VWC2: variants seen among roughly 807,000 people sequenced by gnomAD.
VWC2 encodes brorin.
A neutral mutation model predicts 29.8 loss-of-function variants in VWC2; 14 were observed. That is an observed-to-expected ratio of 0.47 (90% CI 0.31 to 0.74). The LOEUF is 0.74. Ranked by LOEUF, VWC2 falls within the 30% of genes least tolerant of loss-of-function variation. The pLI is 0.05. For synonymous variants in VWC2, 213 were observed against 199.0 expected, an observed-to-expected ratio of 1.07 and a Z score of -0.59; for missense variants, 457 against 459.8, an observed-to-expected ratio of 0.99 and a Z score of 0.05.
At chr7:49,852,840 G>A (rs1790236991) in intron 3 of VWC2, among the ~76,000 whole-genome samples, 1 of 152,238 alleles carries the variant, frequency 6.6e-6, no homozygotes, top group Non-Finnish European at 1.5e-5. Context: ...TCTCCATCTA[G>A]TGACTGGCTC....
At chr7:49,815,931 G>T (rs1789132047) in intron 3 of VWC2, among the ~76,000 whole-genome samples, 1 of 152,142 alleles carries the variant, frequency 6.6e-6, no homozygotes, top group South Asian at 2.1e-4. Context: ...CATAGATTAT[G>T]GGAAGAAAAC....
At chr7:49,789,200 TGTGG>T (rs1788398920) in intron 2 of VWC2, among the ~76,000 whole-genome samples, 1 of 145,984 alleles carries the variant, frequency 6.9e-6, no homozygotes, top group Admixed American at 6.8e-5. Flanking sequence ...CATGTGTGAG[TGTGG>T]GTGTGTGTGT....
chr7:49,803,574 C>T (rs750978612), intron 3 of VWC2, among the ~76,000 whole-genome samples: 5 of 152,210 alleles, frequency 3.3e-5, no homozygotes, highest in Non-Finnish European at 7.3e-5. Context: ...ATCTGAGTGG[C>T]CTCGCTGACA....
rs1793913855 is a variant in VWC2, at chr7:49,919,582, T to C, written c.*7397T>C. ...AATAAAAAATCCTCACAAACCCCAA[T>C]TTAATTTAATATAGATTAATTATAA... is the stretch of plus-strand genomic sequence containing the variant. On this transcript the variant is annotated 3_prime_UTR_variant, in exon 4 of 4. Coordinates refer to ENST00000340652, the MANE Select transcript of VWC2 (RefSeq NM_198570.5). The C allele has an allele frequency of 6.6e-6, 1 of 152,180 alleles. No homozygotes were observed. Among genetic ancestry groups the C allele is most frequent in the Non-Finnish European group, 1.5e-5 (1 of 68,028 alleles). The allele number at this position is 152,180 out of a possible 1,614,324, so 9.4% of individuals were successfully genotyped here.
intron 3 of VWC2, among the ~76,000 whole-genome samples, chr7:49,870,942 T>C (rs929878137): frequency 1.3e-5 from 2 of 152,164 alleles, no homozygotes; most frequent in African/African-American, 4.8e-5. Flanking sequence ...GGAAATATGA[T>C]AAACTCTCTT....
chr7:49,797,858 T>C (rs1001892892), intron 2 of VWC2, among the ~76,000 whole-genome samples: 4 of 152,218 alleles, frequency 2.6e-5, no homozygotes, highest in Non-Finnish European at 2.9e-5. Context: ...TTCTCCAGGC[T>C]ACACATCTAA....
intron 3 of VWC2, among the ~76,000 whole-genome samples, chr7:49,817,052 T>G (rs1304208411): frequency 1.9e-4 from 29 of 152,200 alleles, no homozygotes; most frequent in Admixed American, 1.9e-3. Context: ...AATCAACCTC[T>G]AAGACTTGTT....
chr7:49,906,234 C>T (rs1263411285), intron 3 of VWC2, among the ~76,000 whole-genome samples: 1 of 151,936 alleles, frequency 6.6e-6, no homozygotes, highest in Admixed American at 6.6e-5. Context: ...TGGATCAGGA[C>T]CCCTTTCTAG....
intron 3 of VWC2, among the ~76,000 whole-genome samples, chr7:49,861,580 G>A (rs1310661546): frequency 6.6e-6 from 1 of 152,132 alleles, no homozygotes; most frequent in Non-Finnish European, 1.5e-5. Flanking sequence ...TTCTGGGTAA[G>A]AAAGATTTAA....
intron 3 of VWC2, among the ~76,000 whole-genome samples, chr7:49,827,682 T>C (rs1789435829): frequency 6.6e-6 from 1 of 152,180 alleles, no homozygotes; most frequent in South Asian, 2.1e-4. Flanking sequence ...AGGTCCACCA[T>C]GTACAAGAGC....
At chr7:49,782,112 T>C (rs942941645) in intron 2 of VWC2, among the ~76,000 whole-genome samples, 1 of 152,208 alleles carries the variant, frequency 6.6e-6, no homozygotes, top group Non-Finnish European at 1.5e-5. Context: ...TCATATAAAT[T>C]CCCAGATTGC....
chr7:49,872,992 TA>T (rs893907749), intron 3 of VWC2, among the ~76,000 whole-genome samples: 2 of 130,618 alleles, frequency 1.5e-5, no homozygotes, highest in African/African-American at 5.6e-5. Flanking sequence ...AAATAATTAA[TA>T]AAAAAATCTG....
chr7:49,869,339 A>G (rs1040909210), intron 3 of VWC2, among the ~76,000 whole-genome samples: 5 of 152,218 alleles, frequency 3.3e-5, no homozygotes, highest in Admixed American at 2.6e-4. Context: ...AGGAAGTAAT[A>G]CTGAACAAGG....
chr7:49,776,606 G>A (rs951653466), intron 2 of VWC2, among the ~76,000 whole-genome samples: 9 of 152,188 alleles, frequency 5.9e-5, no homozygotes, highest in Non-Finnish European at 1.0e-4. Flanking sequence ...TCATGCAAAT[G>A]TTCTAAAAAT....
intron 3 of VWC2, among the ~76,000 whole-genome samples, chr7:49,805,912 A>G (rs1346413285): frequency 6.6e-6 from 1 of 152,246 alleles, no homozygotes; most frequent in East Asian, 1.9e-4. Context: ...TTCAGTTGCT[A>G]GCTGCCAAAG....
intron 3 of VWC2, among the ~76,000 whole-genome samples, chr7:49,895,899 T>G (rs1003112132): frequency 6.6e-6 from 1 of 152,164 alleles, no homozygotes; most frequent in Non-Finnish European, 1.5e-5. Context: ...AATAGTAGAA[T>G]CCATTTGTAT....
At chr7:49,896,565 A>C (rs1483924884) in intron 3 of VWC2, among the ~76,000 whole-genome samples, 6 of 152,208 alleles carry the variant, frequency 3.9e-5, no homozygotes, top group Admixed American at 3.9e-4. Flanking sequence ...AAAATTGAAA[A>C]CAAAAAATCA....
rs375429534 is a variant in VWC2, at chr7:49,794,740, A to T, written c.697-7971A>T. Reference sequence around the variant, plus strand: ...CCTGCCCAGTCTGATCCATTGTTGCACTTCTTCGTTGTAGTTCAGTTCGGC... The same window carrying T: ...CCTGCCCAGTCTGATCCATTGTTGCTCTTCTTCGTTGTAGTTCAGTTCGGC... On this transcript the variant is annotated intron_variant, in intron 2 of 3. Transcript: ENST00000340652. Among the ~76,000 whole-genome samples, 80 of 152,094 alleles carry T rather than the reference A, an allele frequency of 5.3e-4. 2 individuals are homozygous for T. The East Asian group carries it at 6.8e-3, about 13-fold the overall frequency.
In VWC2 at chr7:49,882,927, A is replaced by G. The variant is rs76019375; in HGVS notation, c.827-29107A>G. On this transcript the variant is annotated intron_variant, in intron 3 of 3. Transcript: ENST00000340652. ...CCTCTATCTTAAACTCTTCTGGAGAATAAATCCACAGAAAGCCTCAAAGCT... is the reference window on the plus strand; with the variant it reads ...CCTCTATCTTAAACTCTTCTGGAGAGTAAATCCACAGAAAGCCTCAAAGCT... Among the ~76,000 whole-genome samples the G allele has an allele frequency of 7.7e-3, 1,168 of 152,076 alleles. 79 individuals carry two copies. The East Asian group carries it at 0.17, about 23-fold the overall frequency.
Sources: allele counts gnomAD v4.1 joint callset (sites outside exome capture counted in the v4.1 genomes callset), GRCh38; gene constraint gnomAD v4.1.1; transcripts MANE v1.5; gene names NCBI Gene and HGNC (gene_info 2026-07-23, HGNC 2026-07-21).